The following MDGA2 variants were observed in gnomAD, a reference collection of about 807,000 sequenced individuals.
MDGA2 encodes MAM domain-containing glycosylphosphatidylinositol anchor protein 2.
A neutral mutation model predicts 117.8 loss-of-function variants in MDGA2; 40 were observed. The observed-to-expected ratio is 0.34, with a 90% CI of 0.26 to 0.44. The LOEUF (loss-of-function observed/expected upper bound fraction) is 0.44, where lower values mean the gene tolerates loss of function less well. MDGA2 is among the 20% of genes least tolerant of loss of function. The pLI is 1.00. For missense variants in MDGA2, 1,123 were observed against 1,250.6 expected (o/e 0.90, Z 1.54); for synonymous variants, 452 against 439.0 (o/e 1.03, Z -0.37).
intron 8 of MDGA2, among the ~76,000 whole-genome samples, chr14:47,009,535 A>C (rs1421921649): frequency 6.6e-6 from 1 of 152,050 alleles, no homozygotes; most frequent in Non-Finnish European, 1.5e-5. Flanking sequence ...TTTAAGTTCT[A>C]TCAGCAATAC....
At chr14:46,929,695 G>A (rs1288298990) in intron 9 of MDGA2, among the ~76,000 whole-genome samples, 1 of 130,606 alleles carries the variant, frequency 7.7e-6, no homozygotes, top group Non-Finnish European at 1.6e-5. Flanking sequence ...CTGTCTCCCA[G>A]GCCGGAGTGC....
chr14:47,013,618 T>C (rs1347688168), intron 8 of MDGA2, among the ~76,000 whole-genome samples: 2 of 151,650 alleles, frequency 1.3e-5, no homozygotes, highest in Non-Finnish European at 1.5e-5. Context: ...TAATTTATTT[T>C]GCCCAGATTC....
At chr14:47,092,890 A>G (rs1879744075) in intron 6 of MDGA2, among the ~76,000 whole-genome samples, 1 of 152,110 alleles carries the variant, frequency 6.6e-6, no homozygotes, top group Non-Finnish European at 1.5e-5. Context: ...TGGCATATTC[A>G]TGGACTCAGG....
At chr14:47,603,778 G>C (rs1159276427) in intron 1 of MDGA2, among the ~76,000 whole-genome samples, 1 of 152,148 alleles carries the variant, frequency 6.6e-6, no homozygotes, top group Non-Finnish European at 1.5e-5. Context: ...GCAGGGCCGG[G>C]TGAGGGGTGA....
At chr14:47,405,484 T>C (rs573505782) in intron 1 of MDGA2, among the ~76,000 whole-genome samples, 1 of 152,310 alleles carries the variant, frequency 6.6e-6, no homozygotes, top group South Asian at 2.1e-4. Flanking sequence ...TTTGCCTGTT[T>C]CTCGAAGATA....
rs910897921 is a variant in MDGA2 at position 47,175,395 on chromosome 14, C to A, written c.596-31121G>T. The stretch of plus-strand genomic sequence containing the variant: ...CCTTGATGAACATTGATGCAAAAAT[C>A]CTCAATAAAATACTGGCAAACCGAA... On this transcript the variant is annotated intron_variant, in intron 3 of 16. Transcript: ENST00000399232. Among the ~76,000 whole-genome samples, 36 of 151,282 alleles carry A rather than the reference C, an allele frequency of 2.4e-4. No individual in the cohort carries two copies. In the East Asian group the frequency reaches 2.9e-3, roughly 12 times the overall value.
intron 3 of MDGA2, chr14:47,200,655 G>A (rs918411223): frequency 1.7e-5 from 20 of 1,208,200 alleles, no homozygotes; most frequent in African/African-American, 9.0e-5. Context: ...GCCTGTTTCC[G>A]TAGCCTCAAG....
At chr14:47,080,233 T>C (rs1019376878) in intron 6 of MDGA2, among the ~76,000 whole-genome samples, 1 of 152,172 alleles carries the variant, frequency 6.6e-6, no homozygotes, top group Non-Finnish European at 1.5e-5. Flanking sequence ...TCAGACATGC[T>C]AGAGACTAAG....
chr14:47,523,367 A>T (rs1165696924), intron 1 of MDGA2, among the ~76,000 whole-genome samples: 1 of 152,160 alleles, frequency 6.6e-6, no homozygotes, highest in African/African-American at 2.4e-5. Flanking sequence ...ATTGATATTG[A>T]CCCTGAATTA....
At chr14:47,246,320 T>C (rs1294768334) in intron 2 of MDGA2, among the ~76,000 whole-genome samples, 1 of 151,804 alleles carries the variant, frequency 6.6e-6, no homozygotes, top group Non-Finnish European at 1.5e-5. Context: ...GATCCTGATC[T>C]AGTCATTTCA....
chr14:47,506,707 A>G (rs1894519982), intron 1 of MDGA2, among the ~76,000 whole-genome samples: 1 of 152,194 alleles, frequency 6.6e-6, no homozygotes, highest in African/African-American at 2.4e-5. Context: ...AGGAATTTCC[A>G]ACACTTAGTA....
intron 7 of MDGA2, among the ~76,000 whole-genome samples, chr14:47,038,666 G>C (rs1413291348): frequency 6.6e-6 from 1 of 152,000 alleles, no homozygotes; most frequent in Non-Finnish European, 1.5e-5. Context: ...GGCTAGATGC[G>C]GTGGCTCATG....
intron 14 of MDGA2, among the ~76,000 whole-genome samples, chr14:46,856,579 G>A (rs910435382): frequency 6.6e-6 from 1 of 151,998 alleles, no homozygotes; most frequent in Non-Finnish European, 1.5e-5. Flanking sequence ...TGTGTTTGGT[G>A]AGTTTCCCTA....
chr14:47,136,476 C>T (rs1482061180), intron 4 of MDGA2, among the ~76,000 whole-genome samples: 1 of 152,120 alleles, frequency 6.6e-6, no homozygotes, highest in Non-Finnish European at 1.5e-5. Flanking sequence ...GGATTACAGG[C>T]ATGAGCCACT....
chr14:47,558,780 TA>T (rs1895737386), intron 1 of MDGA2, among the ~76,000 whole-genome samples: 1 of 152,208 alleles, frequency 6.6e-6, no homozygotes, highest in Admixed American at 6.5e-5. Context: ...ACAATTATAA[TA>T]AAATCTTGGG....
At chr14:46,914,554 A>T (rs1883829616) in intron 10 of MDGA2, among the ~76,000 whole-genome samples, 1 of 152,208 alleles carries the variant, frequency 6.6e-6, no homozygotes. Context: ...ATACAGTTTA[A>T]CCAAAAGGGA....
intron 8 of MDGA2, among the ~76,000 whole-genome samples, chr14:46,964,340 T>C (rs767192450): frequency 3.9e-5 from 6 of 152,146 alleles, no homozygotes; most frequent in Non-Finnish European, 7.4e-5. Flanking sequence ...AGTATTGGAG[T>C]AGTTTGTTAC....
rs1233401962 is a variant in MDGA2 at position 46,899,985 on chromosome 14, A to G, written c.2239-17764T>C. Among the ~76,000 whole-genome samples, 8 of 151,390 alleles carry G rather than the reference A, an allele frequency of 5.3e-5. No homozygotes were observed. The East Asian group carries it at 1.5e-3, about 29-fold the overall frequency. On this transcript the variant is annotated intron_variant, in intron 10 of 16. Coordinates refer to ENST00000399232, the MANE Select transcript of MDGA2 (RefSeq NM_001113498.3). ...ATACTTAGAAAAGAAAAAAATAAAC[A>G]AAGTAGTCACTACTTGAAAATACAA...
At chr14:47,264,351 T>C (rs1887895605) in intron 2 of MDGA2, among the ~76,000 whole-genome samples, 1 of 152,136 alleles carries the variant, frequency 6.6e-6, no homozygotes, top group Non-Finnish European at 1.5e-5. Context: ...TTGCTCCAGG[T>C]AGGCTAAAAG....
Sources: gnomAD v4.1 joint callset for allele counts (sites outside exome capture counted in the v4.1 genomes callset) on GRCh38, gnomAD v4.1.1 for gene constraint, MANE v1.5 for transcripts, NCBI Gene and HGNC (gene_info 2026-07-23, HGNC 2026-07-21) for gene names.